SECISBP2: variants seen among roughly 807,000 people sequenced by gnomAD.
SECISBP2 encodes selenocysteine insertion sequence-binding protein 2.
In SECISBP2, 96 loss-of-function variants were observed where a neutral mutation model predicts 98.2. The observed-to-expected ratio is 0.98, with a 90% confidence interval of 0.83 to 1.16. SECISBP2 has a LOEUF of 1.16. Among genes scored for constraint, SECISBP2 ranks in the 50% most tolerant of loss-of-function variants. The pLI is 0.00. For missense variants in SECISBP2, 1,046 were observed against 1,022.9 expected (o/e 1.02, Z -0.31); for synonymous variants, 407 against 370.2 (o/e 1.10, Z -1.14).
chr9:89,350,100 G>A lies in SECISBP2; in HGVS notation c.1892+171G>A, dbSNP rs373923147. Among the ~76,000 whole-genome samples the A allele has an allele frequency of 3.3e-5, 5 of 152,336 alleles. No homozygotes were observed. In the East Asian group the frequency reaches 5.8e-4, roughly 18 times the overall value. On this transcript the variant is annotated intron_variant, in intron 13 of 16. Coordinates refer to ENST00000375807, the MANE Select transcript of SECISBP2 (RefSeq NM_024077.5). ...ACACGCATTCAGGGAGAGCCTAATC[G>A]TTGTGTCTGATTCTGCTTCTACTGA...
chr9:89,341,329 C>A lies in SECISBP2; in HGVS notation c.1303-18C>A, dbSNP rs746336343. 2.5e-6 allele frequency: 4 copies of A among 1,609,042 alleles called. No homozygotes were observed. Among genetic ancestry groups the A allele is most frequent in the South Asian group, 1.1e-5 (1 of 90,894 alleles). ...TTGTATAGTTTTATAAGTAAACTTA[C>A]GAATTTTGAACTTTCAGGATAATTT... is the stretch of plus-strand genomic sequence containing the variant. On this transcript the variant is annotated intron_variant, in intron 9 of 16. Coordinates refer to ENST00000375807, the MANE Select transcript of SECISBP2 (RefSeq NM_024077.5).
Position 89,341,138 on chromosome 9 carries a change from A to G in SECISBP2, c.1303-209A>G, listed in dbSNP as rs555194403. On this transcript the variant is annotated intron_variant, in intron 9 of 16. Coordinates refer to ENST00000375807, the MANE Select transcript of SECISBP2 (RefSeq NM_024077.5). Reference sequence around the variant, plus strand: ...GTGTAGGTGATTTAATATAAACCCAATGTTCTGAAAGAAGGAAGACATAAA... The same window carrying G: ...GTGTAGGTGATTTAATATAAACCCAGTGTTCTGAAAGAAGGAAGACATAAA... Among the ~76,000 whole-genome samples the G allele has an allele frequency of 2.4e-4, 36 of 152,362 alleles. No homozygotes were observed. The South Asian group carries it at 4.8e-3, about 20-fold the overall frequency.
chr9:89,365,844 A>G, the SECISBP2 span, among the ~76,000 whole-genome samples: 29 of 152,314 alleles, frequency 1.9e-4, no homozygotes, highest in East Asian at 5.4e-3. Context: ...TTTTGAAAAG[A>G]AGAGATCGCC....
intron 2 of SECISBP2, 101 bp from the exon 3 acceptor site, chr9:89,325,326 T>C: frequency 9.0e-7 from 1 of 1,112,544 alleles, no homozygotes; most frequent in Admixed American, 1.9e-5. Flanking sequence ...GAGTGAATGG[T>C]CTCAGAAATA....
At chr9:89,366,716 G>A in the SECISBP2 span, among the ~76,000 whole-genome samples, 1 of 152,214 alleles carries the variant, frequency 6.6e-6, no homozygotes, top group African/African-American at 2.4e-5. Flanking sequence ...TGGGCATCCA[G>A]GTAAAATCTC....
intron 2 of SECISBP2, 35 bp downstream of exon 2, chr9:89,319,832 T>TA (rs1253510902): frequency 6.2e-7 from 1 of 1,608,772 alleles, no homozygotes; most frequent in Non-Finnish European, 8.5e-7. Flanking sequence ...CCTAGGGGCT[T>TA]ACATTTTGGA....
chr9:89,346,180 A>G (rs1830390336), intron 10 of SECISBP2, among the ~76,000 whole-genome samples: 1 of 152,220 alleles, frequency 6.6e-6, no homozygotes, highest in Non-Finnish European at 1.5e-5. Flanking sequence ...AATTTTCCAG[A>G]TCAAAAAGTG....
Position 89,328,733 on chromosome 9 carries a change from T to A in SECISBP2, c.648T>A (p.Phe216Leu). 6.2e-7 allele frequency: 1 copy of A among 1,614,232 alleles called. No homozygotes were observed. Residue 216 changes from phenylalanine (F) to leucine (L), a missense_variant, in exon 5 of 17, where the codon TTT (phenylalanine) becomes TTA (leucine). By Grantham distance (22) the Phe-to-Leu change is conservative. Coordinates refer to ENST00000375807, the MANE Select transcript of SECISBP2 (RefSeq NM_024077.5). ...AKNVSTSKPE[F>L]EFTTLDFPEL... ...ATGTATCTACCTCCAAACCTGAGTT[T>A]GAATTTACCACACTGGACTTTCCTG...
the SECISBP2 span, among the ~76,000 whole-genome samples, chr9:89,366,707 G>A: frequency 6.6e-6 from 1 of 152,218 alleles, no homozygotes; most frequent in South Asian, 2.1e-4. Context: ...CCCAGCTGAT[G>A]GGCATCCAGG....
Position 89,358,742 on chromosome 9 carries a change from T to C in SECISBP2, c.2483T>C (p.Leu828Pro), listed in dbSNP as rs1832490844. 12 of 1,613,272 alleles carry C rather than the reference T, an allele frequency of 7.4e-6. No homozygotes were observed. The Admixed American group carries it at 1.3e-4, about 18-fold the overall frequency. The change falls in exon 17 of 17, where the codon CTG becomes CCG. Residue 828 changes from leucine to proline, a missense_variant. Transcript: ENST00000375807. ...PHYIEIWKKH[L>P]EAYSGCTLEL... Reference sequence around the variant, plus strand: ...TTAGTTGAAATCTGGAAAAAACATCTGGAAGCATACAGTGGATGTACCCTG... The same window carrying C: ...TTAGTTGAAATCTGGAAAAAACATCCGGAAGCATACAGTGGATGTACCCTG...
At chr9:89,364,579 C>CAA, downstream of SECISBP2, 1 of 160,594 alleles carries the variant, frequency 6.2e-6, no homozygotes. Context: ...GATGGGCTTC[C>CAA]AGCCTTGAGC....
chr9:89,347,092 G>C, intron 11 of SECISBP2, 44 bp downstream of exon 11: 4 of 1,591,064 alleles, frequency 2.5e-6, no homozygotes, highest in Non-Finnish European at 3.4e-6. Context: ...AGAAAACTTA[G>C]TCTCACATTT....
chr9:89,361,098 T>G (rs1832725362), downstream of SECISBP2: 1 of 152,146 alleles, frequency 6.6e-6, no homozygotes, highest in East Asian at 1.9e-4. Context: ...TATGAGTATG[T>G]GATGGTTCCG....
intron 6 of SECISBP2, chr9:89,334,077 A>G (rs1467768500): frequency 8.9e-7 from 1 of 1,120,702 alleles, no homozygotes; most frequent in African/African-American, 1.7e-5. Context: ...CCTCTGTTCT[A>G]AAAGAAATAA....
Position 89,331,487 on chromosome 9 carries a change from A to G in SECISBP2, c.802-1421A>G, listed in dbSNP as rs866263266. 4.6e-5 allele frequency among the ~76,000 whole-genome samples: 7 copies of G among 152,316 alleles called. No homozygotes were observed. The South Asian group carries it at 1.4e-3, about 32-fold the overall frequency. On this transcript the variant is annotated intron_variant, in intron 5 of 16. Transcript: ENST00000375807. The stretch of plus-strand genomic sequence containing the variant: ...GAATTTTAAAAATTATTTTAAATCC[A>G]TTATCTACTTAATGGATTCAACTTT...
At position 89,359,054 on chromosome 9, in the gene SECISBP2, T is replaced by C. The variant is rs1290138568; in HGVS notation, c.*230T>C. 1 of 547,270 alleles carries C rather than the reference T, an allele frequency of 1.8e-6. No homozygotes were observed. The highest frequency in any genetic ancestry group is 1.9e-5 in the African/African-American group (1 of 52,630). The allele number at this position is 547,270 out of a possible 1,614,324, so 33.9% of individuals were successfully genotyped here. A position where few individuals can be genotyped will look rare whatever the true frequency, so the allele number is the denominator to read the frequency against. On this transcript the variant is annotated 3_prime_UTR_variant, in exon 17 of 17. Coordinates refer to ENST00000375807, the MANE Select transcript of SECISBP2 (RefSeq NM_024077.5). ...TTAATCTTCTCTAAAAGCCTGGTGATACAGCTCTGGCTTTCTGAGCACACT... is the reference window on the plus strand; with the variant it reads ...TTAATCTTCTCTAAAAGCCTGGTGACACAGCTCTGGCTTTCTGAGCACACT...
intron 5 of SECISBP2, chr9:89,329,175 C>G (rs548317348): frequency 1.1e-5 from 4 of 370,444 alleles, no homozygotes; most frequent in Non-Finnish European, 2.0e-5. Context: ...TGCAGTGGCA[C>G]GATCTCAGCT....
At chr9:89,340,460 A>G (rs1327575292) in intron 9 of SECISBP2, among the ~76,000 whole-genome samples, 3 of 152,178 alleles carry the variant, frequency 2.0e-5, no homozygotes, top group African/African-American at 7.2e-5. Context: ...TAGATGGGGA[A>G]CTTGTGTACT....
rs953937177 is a variant in SECISBP2, at chr9:89,318,532, C to T, written c.-45C>T. The T allele has an allele frequency of 3.4e-5, 51 of 1,513,358 alleles. No individual in the cohort carries two copies. Among genetic ancestry groups the T allele is most frequent in the Non-Finnish European group, 4.2e-5 (48 of 1,135,650 alleles). 93.7% of individuals were successfully genotyped at this position (1,513,358 alleles called of 1,614,324 possible). A position where few individuals can be genotyped will look rare whatever the true frequency, so the allele number is the denominator to read the frequency against. On this transcript the variant is annotated 5_prime_UTR_variant, in exon 1 of 17. Coordinates refer to ENST00000375807, the MANE Select transcript of SECISBP2 (RefSeq NM_024077.5). ...CTTTGTCTGTCCGGCAAGCCGACGG[C>T]CCGCTGCTGGCCTCCGTGACGCGGC...
Sources: allele counts gnomAD v4.1 joint callset (sites outside exome capture counted in the v4.1 genomes callset), GRCh38; gene constraint gnomAD v4.1.1; transcripts MANE v1.5; gene names NCBI Gene and HGNC (gene_info 2026-07-23, HGNC 2026-07-21).